The following WDR25 variants were observed in gnomAD, a reference collection of about 807,000 sequenced individuals.
WDR25 encodes WD repeat-containing protein 25.
In WDR25, 35 loss-of-function variants were observed where a neutral mutation model predicts 47.7. The observed-to-expected ratio is 0.73, with a 90% CI of 0.56 to 0.97. WDR25 has a LOEUF of 0.97. Among genes scored for constraint, WDR25 ranks in the 50% least tolerant of loss-of-function variants. The probability of loss-of-function intolerance (pLI) is 0.00; values close to 1 mark genes in which losing one functional copy is unlikely to be tolerated. For missense variants in WDR25, 634 were observed against 704.7 expected, an observed-to-expected ratio of 0.90 and a Z score of 1.14; for synonymous variants, 248 against 278.9, an observed-to-expected ratio of 0.89 and a Z score of 1.10.
Position 100,430,889 on chromosome 14 carries a change from G to A in WDR25, c.823-37132G>A, listed in dbSNP as rs1247783992. On this transcript the variant is annotated intron_variant, in intron 2 of 6. Transcript: ENST00000402312. The surrounding 1 kb of genome is among the most constrained non-coding windows in gnomAD (Gnocchi z 4.7). ...GGTCATTTCATCCACCAACTCCTGCGGTGCCAGAGGTGTCCTCTGGCCTCA... is the reference window on the plus strand; with the variant it reads ...GGTCATTTCATCCACCAACTCCTGCAGTGCCAGAGGTGTCCTCTGGCCTCA... Among the ~76,000 whole-genome samples, 2 of 152,134 alleles carry A rather than the reference G, an allele frequency of 1.3e-5. No individual in the cohort carries two copies. The highest frequency in any genetic ancestry group is 2.9e-5 in the Non-Finnish European group (2 of 68,032).
At chr14:100,401,109 C>T (rs944253990) in intron 2 of WDR25, among the ~76,000 whole-genome samples, 10 of 152,170 alleles carry the variant, frequency 6.6e-5, no homozygotes, top group South Asian at 2.1e-4. Flanking sequence ...TTATTGCTTG[C>T]GGATTTCATA....
At chr14:100,393,435 T>C (rs891971447) in intron 2 of WDR25, among the ~76,000 whole-genome samples, 3 of 152,234 alleles carry the variant, frequency 2.0e-5, no homozygotes, top group Non-Finnish European at 4.4e-5. Context: ...TGTTCTGATA[T>C]GGTTCTGATA....
At chr14:100,417,812 C>G (rs2140205344) in intron 2 of WDR25, among the ~76,000 whole-genome samples, 1 of 152,314 alleles carries the variant, frequency 6.6e-6, no homozygotes, top group African/African-American at 2.4e-5. Flanking sequence ...TGAGCTGTTC[C>G]TAGCCTTCCA....
chr14:100,507,505 T>G (rs778764341), intron 4 of WDR25, among the ~76,000 whole-genome samples: 8 of 152,184 alleles, frequency 5.3e-5, no homozygotes, highest in Non-Finnish European at 8.8e-5. Flanking sequence ...GTATGGTCAT[T>G]TTAATGATAT....
rs556858291 is a variant in WDR25 at position 100,510,737 on chromosome 14, A to AAATAATAATAATAAT, written c.1102-15120_1102-15106dup. ...GGTGACAGAGCGAGACACCATCTCA[A>AAATAATAATAATAAT]AATAATAATAATAATAATAATAATA... On this transcript the variant is annotated intron_variant, in intron 4 of 6. Coordinates refer to ENST00000402312, the MANE Select transcript of WDR25 (RefSeq NM_001161476.3). 8.0e-3 allele frequency among the ~76,000 whole-genome samples: 1,177 copies of AAATAATAATAATAAT among 146,984 alleles called. 26 individuals are homozygous for AAATAATAATAATAAT. The highest frequency in any genetic ancestry group is 0.029 in the African/African-American group (1,108 of 38,192).
At position 100,524,249 on chromosome 14, in the gene WDR25, C is replaced by T. The variant is rs970787187; in HGVS notation, c.1102-1621C>T. 1.3e-4 allele frequency among the ~76,000 whole-genome samples: 20 copies of T among 152,192 alleles called. 1 individual carries two copies. The highest frequency in any genetic ancestry group is 2.1e-4 in the South Asian group (1 of 4,800). On this transcript the variant is annotated intron_variant, in intron 4 of 6. Transcript: ENST00000402312. ...GCCTGTCTCTGAGACTTCATGCCCA[C>T]CGAGAGAAGCTACCTATGGGGCTCT... is the stretch of plus-strand genomic sequence containing the variant.
At chr14:100,378,137 A>G (rs762362544) in intron 1 of WDR25, among the ~76,000 whole-genome samples, 8 of 151,814 alleles carry the variant, frequency 5.3e-5, no homozygotes, top group Non-Finnish European at 8.8e-5. Context: ...ATTGATAACC[A>G]TGTATTGTGT....
At chr14:100,489,699 T>C (rs568112896) in intron 4 of WDR25, among the ~76,000 whole-genome samples, 37 of 152,122 alleles carry the variant, frequency 2.4e-4, no homozygotes, top group Non-Finnish European at 4.9e-4. Context: ...CTCCTCTCTT[T>C]CTATGTGCAG....
chr14:100,463,437 T>C (rs1025539046), intron 2 of WDR25, among the ~76,000 whole-genome samples: 11 of 152,122 alleles, frequency 7.2e-5, no homozygotes, highest in African/African-American at 7.2e-5. Flanking sequence ...TCTGTTTTTT[T>C]CCCACACTTC....
At chr14:100,417,311 T>G (rs114314392) in intron 2 of WDR25, among the ~76,000 whole-genome samples, 1,937 of 152,384 alleles carry the variant, frequency 0.013, 45 homozygotes, top group African/African-American at 0.045. Context: ...GTAGGACACT[T>G]GGCACATGCC....
intron 2 of WDR25, among the ~76,000 whole-genome samples, chr14:100,427,539 G>T (rs1262772329): frequency 6.6e-6 from 1 of 152,200 alleles, no homozygotes; most frequent in Non-Finnish European, 1.5e-5. Flanking sequence ...TGCCGAGTAG[G>T]TGCGGGCCTT....
rs1049152647 is a variant in WDR25, at chr14:100,506,033, A to G, written c.1102-19837A>G. Among the ~76,000 whole-genome samples, 3 of 152,090 alleles carry G rather than the reference A, an allele frequency of 2.0e-5. No homozygotes were observed. Among genetic ancestry groups the G allele is most frequent in the Admixed American group, 6.5e-5 (1 of 15,278 alleles). On this transcript the variant is annotated intron_variant, in intron 4 of 6. Transcript: ENST00000402312. The surrounding 1 kb of genome is among the most constrained non-coding windows in gnomAD (Gnocchi z 4.8). ...CCTTCACCCAGTTACTGAGCATAGTACTCAACAGTTAGTTTTTCAACCCTT... is the reference window on the plus strand; with the variant it reads ...CCTTCACCCAGTTACTGAGCATAGTGCTCAACAGTTAGTTTTTCAACCCTT...
intron 3 of WDR25, 28 bp from the exon 4 acceptor site, chr14:100,483,966 A>T (rs762140534): frequency 5.0e-6 from 8 of 1,596,118 alleles, no homozygotes; most frequent in Non-Finnish European, 6.8e-6. Flanking sequence ...AGTACTTTCT[A>T]ACCCTCTCTT....
chr14:100,501,544 G>A (rs1900923905), intron 4 of WDR25, among the ~76,000 whole-genome samples: 1 of 152,196 alleles, frequency 6.6e-6, no homozygotes, highest in African/African-American at 2.4e-5. Context: ...CAGAAGCTCA[G>A]ATACACATTC....
chr14:100,527,774 A>T (rs552646296), intron 5 of WDR25, among the ~76,000 whole-genome samples: 1 of 152,372 alleles, frequency 6.6e-6, no homozygotes, highest in Non-Finnish European at 1.5e-5. Flanking sequence ...GGAGCTTGTT[A>T]TCTGGCCATG....
At chr14:100,480,917 A>C in intron 3 of WDR25, 1 of 347,438 alleles carries the variant, frequency 2.9e-6, no homozygotes, top group Non-Finnish European at 5.7e-6. Flanking sequence ...GTGGCTCTGC[A>C]GGCACCTGGC....
chr14:100,383,540 A>T (rs966178896), intron 2 of WDR25, among the ~76,000 whole-genome samples: 53 of 152,274 alleles, frequency 3.5e-4, no homozygotes, highest in African/African-American at 1.3e-3. Flanking sequence ...TCACCTCTGG[A>T]GTTCTCTCTC....
chr14:100,428,150 C>T lies in WDR25; in HGVS notation c.823-39871C>T, dbSNP rs546340786. On this transcript the variant is annotated intron_variant, in intron 2 of 6. Transcript: ENST00000402312. This position sits in a 1 kb window ranked among gnomAD's most constrained non-coding sequence, Gnocchi z 4.3. Reference sequence around the variant, plus strand: ...AGGTCACTTTTCCCATCTGAGGAAACGTTTGTCGTGTGCTCCGACCGAAGC... The same window carrying T: ...AGGTCACTTTTCCCATCTGAGGAAATGTTTGTCGTGTGCTCCGACCGAAGC... 6.6e-6 allele frequency among the ~76,000 whole-genome samples: 1 copy of T among 152,366 alleles called. No homozygotes were observed. Among genetic ancestry groups the T allele is most frequent in the East Asian group, 1.9e-4 (1 of 5,188 alleles).
intron 2 of WDR25, chr14:100,455,135 A>G (rs1388327297): frequency 6.6e-6 from 1 of 152,264 alleles, no homozygotes; most frequent in East Asian, 1.9e-4. Context: ...AACAGTTATT[A>G]TAGATGTGCT....
Sources: allele counts gnomAD v4.1 joint callset (sites outside exome capture counted in the v4.1 genomes callset), GRCh38; gene constraint gnomAD v4.1.1; non-coding constraint Gnocchi (gnomAD v3.1); transcripts MANE v1.5; gene names NCBI Gene and HGNC (gene_info 2026-07-23, HGNC 2026-07-21).